The following SOS1 variants were observed in gnomAD, a reference collection of about 807,000 sequenced individuals.
The protein encoded by SOS1 is SOS Ras/Rac guanine nucleotide exchange factor 1.
In SOS1, 25 loss-of-function variants were observed where a neutral mutation model predicts 157.6. The observed-to-expected ratio is 0.16, with a 90% CI of 0.12 to 0.22. The LOEUF is 0.22. SOS1 is among the 10% of genes least tolerant of loss of function. The pLI, the probability that SOS1 is intolerant of heterozygous loss-of-function variation, is 1.00. For synonymous variants in SOS1, 528 were observed against 534.0 expected (o/e 0.99, Z 0.16); for missense variants, 1,237 against 1,599.1 (o/e 0.77, Z 3.86).
At chr2:39,115,175 G>A (rs1295698046) in intron 1 of SOS1, among the ~76,000 whole-genome samples, 1 of 151,880 alleles carries the variant, frequency 6.6e-6, no homozygotes, top group Non-Finnish European at 1.5e-5. Flanking sequence ...TATACAATCT[G>A]AAAAATTTCA....
At chr2:39,117,588 G>A (rs1454932170) in intron 1 of SOS1, among the ~76,000 whole-genome samples, 3 of 152,326 alleles carry the variant, frequency 2.0e-5, no homozygotes, top group African/African-American at 4.8e-5. Context: ...ATGCTAAAAA[G>A]TGCACTTTAG....
At chr2:39,012,697 T>C (rs1331491046) in intron 13 of SOS1, among the ~76,000 whole-genome samples, 3 of 152,192 alleles carry the variant, frequency 2.0e-5, no homozygotes, top group Admixed American at 6.5e-5. Context: ...GTATATCTTA[T>C]GTAAATCACA....
intron 6 of SOS1, among the ~76,000 whole-genome samples, chr2:39,049,551 T>G (rs377548495): frequency 6.6e-6 from 1 of 152,332 alleles, no homozygotes; most frequent in African/African-American, 2.4e-5. Context: ...ATCAATTTCA[T>G]CTGGAATAAA....
chr2:39,072,671 G>A (rs1442549504), intron 1 of SOS1, among the ~76,000 whole-genome samples: 1 of 152,124 alleles, frequency 6.6e-6, no homozygotes, highest in Non-Finnish European at 1.5e-5. Context: ...TTTATTTATT[G>A]ATGGTTACTA....
At position 38,983,809 on chromosome 2, in the gene SOS1, A is replaced by G. The variant is rs1668470013; in HGVS notation, c.*2015T>C. On this transcript the variant is annotated 3_prime_UTR_variant, in exon 23 of 23. Coordinates refer to ENST00000402219, the MANE Select transcript of SOS1 (RefSeq NM_005633.4). ...CTCTAGTAAGTTGGCTCACATAAAT[A>G]CTGTTGAATGGATGGTCTTAGGGAC... 1 of 152,144 alleles carries G rather than the reference A, an allele frequency of 6.6e-6. No homozygotes were observed. The highest frequency in any genetic ancestry group is 1.5e-5 in the Non-Finnish European group (1 of 68,014). The allele number at this position is 152,144 out of a possible 1,614,324, so 9.4% of individuals were successfully genotyped here.
At chr2:39,039,027 C>T (rs893317297) in intron 6 of SOS1, among the ~76,000 whole-genome samples, 215 of 152,212 alleles carry the variant, frequency 1.4e-3, no homozygotes, top group African/African-American at 5.1e-3. Context: ...CTTCAGCAGC[C>T]ATCAACATCA....
chr2:39,012,149 A>C lies in SOS1; in HGVS notation c.2367T>G (p.Thr789=). 1 of 1,612,820 alleles carries C rather than the reference A, an allele frequency of 6.2e-7. No individual in the cohort carries two copies. Among genetic ancestry groups the C allele is most frequent in the Non-Finnish European group, 8.5e-7 (1 of 1,178,870 alleles). ...ACCGGTATAGATCTGATTCAAGTAA[A>C]GTGAGTTGTCGAGCAATTTCTATTG... ...LHPIEIARQL[T]LLESDLYRAV... Residue 789 remains threonine, a synonymous_variant, in exon 14 of 23, where the codon ACT becomes ACG. Coordinates refer to ENST00000402219, the MANE Select transcript of SOS1 (RefSeq NM_005633.4).
At chr2:39,040,034 T>A (rs1307239866) in intron 6 of SOS1, among the ~76,000 whole-genome samples, 1 of 152,176 alleles carries the variant, frequency 6.6e-6, no homozygotes, top group South Asian at 2.1e-4. Flanking sequence ...TTTTTTGAGA[T>A]GGAGTCTTGC....
At chr2:39,106,139 G>A (rs893203228) in intron 1 of SOS1, among the ~76,000 whole-genome samples, 2 of 151,686 alleles carry the variant, frequency 1.3e-5, no homozygotes, top group Non-Finnish European at 2.9e-5. Context: ...AGGTTCACTT[G>A]AGCCTAGAAG....
intron 6 of SOS1, among the ~76,000 whole-genome samples, chr2:39,043,628 C>T (rs1670651291): frequency 6.6e-6 from 1 of 152,194 alleles, no homozygotes; most frequent in Non-Finnish European, 1.5e-5. Flanking sequence ...TCAAGACAGG[C>T]AGGTGCATCT....
chr2:39,056,398 C>G (rs1671213154), intron 4 of SOS1, among the ~76,000 whole-genome samples: 1 of 151,840 alleles, frequency 6.6e-6, no homozygotes, highest in Non-Finnish European at 1.5e-5. Context: ...GCCTGGGCGA[C>G]AGAGTGAGAT....
chr2:38,993,652 C>CA (rs1317075228), intron 20 of SOS1: 5 of 152,250 alleles, frequency 3.3e-5, no homozygotes, highest in African/African-American at 1.2e-4. Flanking sequence ...ATTTGACCCC[C>CA]AGAAGGCACA....
In SOS1 at chr2:38,985,899, A is replaced by G; in HGVS notation, c.3927T>C (p.Thr1309=). 1 of 1,613,798 alleles carries G rather than the reference A, an allele frequency of 6.2e-7. No individual in the cohort carries two copies. Among genetic ancestry groups the G allele is most frequent in the Non-Finnish European group, 8.5e-7 (1 of 1,179,840 alleles). The change falls in exon 23 of 23, where the codon ACT becomes ACC. Residue 1309 remains threonine, a synonymous_variant. Coordinates refer to ENST00000402219, the MANE Select transcript of SOS1 (RefSeq NM_005633.4). Reference sequence around the variant, plus strand: ...ATGGGTGTGTGTGCTCCCTTTTGTAAGTTTTTGGAGGGAGTTTAGGGATAT... The same window carrying G: ...ATGGGTGTGTGTGCTCCCTTTTGTAGGTTTTTGGAGGGAGTTTAGGGATAT... The part of the protein sequence containing the change: ...SQHIPKLPPK[T]YKREHTHPSM...
chr2:39,066,808 C>A (rs1671603274), intron 2 of SOS1, among the ~76,000 whole-genome samples: 1 of 152,064 alleles, frequency 6.6e-6, no homozygotes, highest in Non-Finnish European at 1.5e-5. Context: ...AACTGAAGAT[C>A]AAAACATTAA....
At chr2:39,077,920 A>G (rs190815383) in intron 1 of SOS1, among the ~76,000 whole-genome samples, 1 of 152,362 alleles carries the variant, frequency 6.6e-6, no homozygotes, top group East Asian at 1.9e-4. Context: ...GAAAGACACA[A>G]GAAGTATAAA....
chr2:39,045,477 T>C (rs189153688), intron 6 of SOS1, among the ~76,000 whole-genome samples: 173 of 152,306 alleles, frequency 1.1e-3, no homozygotes, highest in Admixed American at 2.9e-3. Flanking sequence ...GCATACACAT[T>C]AATGGCTGTT....
Position 39,120,506 on chromosome 2 carries a change from G to T in SOS1, c.-84C>A. 1.6e-6 allele frequency: 2 copies of T among 1,228,944 alleles called. No homozygotes were observed. The highest frequency in any genetic ancestry group is 2.0e-6 in the Non-Finnish European group (2 of 983,754). 76.1% of individuals were successfully genotyped at this position (1,228,944 alleles called of 1,614,324 possible). The stretch of plus-strand genomic sequence containing the variant: ...CGCGAGAGGGCGAGCTCGCAGCGCG[G>T]AACAGGGCCGCGGCCCCACCGGACG... On this transcript the variant is annotated 5_prime_UTR_variant, in exon 1 of 23. Coordinates refer to ENST00000402219, the MANE Select transcript of SOS1 (RefSeq NM_005633.4).
At chr2:39,069,259 C>A (rs1177189671) in intron 1 of SOS1, among the ~76,000 whole-genome samples, 1 of 148,050 alleles carries the variant, frequency 6.8e-6, no homozygotes, top group East Asian at 2.0e-4. Context: ...TAGTAGTCCC[C>A]ACCTACTCCA....
rs58865034 is a variant in SOS1 at position 39,102,204 on chromosome 2, C to CAAAAAAAAAAAAA, written c.87+18119_87+18131dup. Among the ~76,000 whole-genome samples the CAAAAAAAAAAAAA allele has an allele frequency of 1.6e-3, 37 of 23,750 alleles. 7 individuals carry two copies. Among genetic ancestry groups the CAAAAAAAAAAAAA allele is most frequent in the African/African-American group, 4.7e-3 (33 of 6,948 alleles). The allele number at this position is 23,750 out of a possible 152,430, so 15.6% of individuals were successfully genotyped here. ...CGGGTGACAGTGCGAGACTCTGTCT[C>CAAAAAAAAAAAAA]AAAAAAAAAAAAAAAAAAAAAAAAA... On this transcript the variant is annotated intron_variant, in intron 1 of 22. Coordinates refer to ENST00000402219, the MANE Select transcript of SOS1 (RefSeq NM_005633.4).
Sources: allele counts gnomAD v4.1 joint callset (sites outside exome capture counted in the v4.1 genomes callset), GRCh38; gene constraint gnomAD v4.1.1; transcripts MANE v1.5; gene names NCBI Gene and HGNC (gene_info 2026-07-23, HGNC 2026-07-21).